STPG2: variants seen among roughly 807,000 people sequenced by gnomAD.
STPG2 encodes the protein sperm tail PG-rich repeat containing 2, also known as sperm-tail PG-rich repeat-containing protein 2.
A neutral mutation model predicts 54.2 loss-of-function variants in STPG2; 56 were observed. The ratio of observed to expected loss-of-function variants is 1.03; its 90% CI spans 0.83 to 1.29. The LOEUF (loss-of-function observed/expected upper bound fraction) is 1.29, where lower values mean the gene tolerates loss of function less well. STPG2 is among the 50% of genes most tolerant of loss of function. STPG2 has a pLI of 0.00. For synonymous variants in STPG2, 200 were observed against 181.8 expected (o/e 1.10, Z -0.81); for missense variants, 596 against 544.9 (o/e 1.09, Z -0.93).
intron 10 of STPG2, among the ~76,000 whole-genome samples, chr4:97,559,399 T>A (rs1463164878): frequency 6.6e-6 from 1 of 152,186 alleles, no homozygotes; most frequent in Non-Finnish European, 1.5e-5. Context: ...CTTGTAATAG[T>A]CTGTTGTCTA....
At chr4:97,902,916 C>T (rs1731233220) in intron 8 of STPG2, among the ~76,000 whole-genome samples, 1 of 151,884 alleles carries the variant, frequency 6.6e-6, no homozygotes, top group African/African-American at 2.4e-5. Context: ...AATGGATGAA[C>T]AGATAGAGAA....
At chr4:98,135,904 A>G (rs1320367324) in intron 1 of STPG2, among the ~76,000 whole-genome samples, 2 of 151,786 alleles carry the variant, frequency 1.3e-5, no homozygotes, top group Non-Finnish European at 3.0e-5. Context: ...ATATATAAAT[A>G]CACACACATA....
intron 7 of STPG2, among the ~76,000 whole-genome samples, chr4:97,964,218 A>G (rs928635766): frequency 5.9e-5 from 9 of 152,168 alleles, no homozygotes; most frequent in Non-Finnish European, 1.2e-4. Flanking sequence ...TCCTTGCCCT[A>G]AAGTCTTACT....
chr4:98,046,050 C>CTTTTTTTTTT, intron 5 of STPG2, among the ~76,000 whole-genome samples: 1 of 136,502 alleles, frequency 7.3e-6, no homozygotes, highest in African/African-American at 2.7e-5. Context: ...TTTTTTCATT[C>CTTTTTTTTTT]TTTTTTTTTT....
intron 5 of STPG2, among the ~76,000 whole-genome samples, chr4:98,041,428 T>G (rs1736953249): frequency 6.6e-6 from 1 of 151,854 alleles, no homozygotes; most frequent in Non-Finnish European, 1.5e-5. Flanking sequence ...AAGAGGATAT[T>G]TTAACCTTTC....
rs568009676 is a variant in STPG2, at chr4:97,969,918, G to A, written c.933+2362C>T. Among the ~76,000 whole-genome samples the A allele has an allele frequency of 4.2e-4, 64 of 152,208 alleles. 1 individual carries two copies. The highest frequency in any genetic ancestry group is 1.4e-3 in the African/African-American group (59 of 41,532). On this transcript the variant is annotated intron_variant, in intron 7 of 10. Coordinates refer to ENST00000295268, the MANE Select transcript of STPG2 (RefSeq NM_174952.3). The stretch of plus-strand genomic sequence containing the variant: ...GCTTGTATATTTAGAAAACTCCATC[G>A]TCTCAGCCCAAAATCTTAAGCTGAT...
chr4:97,933,896 T>G (rs1207656163), intron 8 of STPG2, among the ~76,000 whole-genome samples: 1 of 152,238 alleles, frequency 6.6e-6, no homozygotes, highest in Non-Finnish European at 1.5e-5. Flanking sequence ...TCTAATTCTG[T>G]GAAGAATGTC....
intron 9 of STPG2, among the ~76,000 whole-genome samples, chr4:97,714,609 T>A (rs1204620350): frequency 6.6e-6 from 1 of 152,138 alleles, no homozygotes; most frequent in African/African-American, 2.4e-5. Context: ...ATGCACAACT[T>A]TGGAATAATA....
At chr4:97,655,322 A>T (rs889170528) in intron 10 of STPG2, among the ~76,000 whole-genome samples, 2 of 152,084 alleles carry the variant, frequency 1.3e-5, no homozygotes, top group Non-Finnish European at 2.9e-5. Flanking sequence ...TTTCTATATT[A>T]GAGGTGCAGA....
At chr4:98,013,580 C>CTTTTTTTTTTTTTT (rs34198207) in intron 5 of STPG2, among the ~76,000 whole-genome samples, 1 of 74,586 alleles carries the variant, frequency 1.3e-5, no homozygotes, top group African/African-American at 5.2e-5. Flanking sequence ...TGGTCCTGGG[C>CTTTTTTTTTTTTTT]TTTTTTTTTT....
chr4:97,919,415 AT>A (rs1194242989), intron 8 of STPG2, among the ~76,000 whole-genome samples: 1 of 151,130 alleles, frequency 6.6e-6, no homozygotes, highest in Non-Finnish European at 1.5e-5. Context: ...ATAAATATTG[AT>A]AAACTCCTAG....
intron 4 of STPG2, among the ~76,000 whole-genome samples, chr4:97,522,248 T>C (rs1731198687): frequency 6.6e-6 from 1 of 152,040 alleles, no homozygotes; most frequent in Non-Finnish European, 1.5e-5. Context: ...GGAAAGAATG[T>C]CAGCATTAAA....
At chr4:97,804,425 A>G (rs1727490352) in intron 9 of STPG2, among the ~76,000 whole-genome samples, 2 of 152,182 alleles carry the variant, frequency 1.3e-5, no homozygotes, top group Admixed American at 1.3e-4. Context: ...TTTAACAACA[A>G]CAACAACAAA....
chr4:97,551,869 C>T (rs569568736), intron 4 of STPG2, among the ~76,000 whole-genome samples: 1 of 152,220 alleles, frequency 6.6e-6, no homozygotes, highest in Non-Finnish European at 1.5e-5. Context: ...TGTCTCACAT[C>T]CTAGTTATGT....
intron 9 of STPG2, among the ~76,000 whole-genome samples, chr4:97,835,222 C>T (rs1728595587): frequency 6.6e-6 from 1 of 152,058 alleles, no homozygotes; most frequent in South Asian, 2.1e-4. Context: ...CTTTGGTCAT[C>T]CTCACTGATA....
chr4:98,044,413 C>T (rs1737063373), intron 5 of STPG2, among the ~76,000 whole-genome samples: 1 of 152,138 alleles, frequency 6.6e-6, no homozygotes, highest in Non-Finnish European at 1.5e-5. Context: ...CTTTGCCCTC[C>T]CTTCACACCT....
chr4:98,104,053 C>G (rs1739122050), intron 5 of STPG2, among the ~76,000 whole-genome samples: 1 of 152,180 alleles, frequency 6.6e-6, no homozygotes, highest in Admixed American at 6.5e-5. Context: ...ACCACCTCTG[C>G]TAGTGACACA....
At chr4:98,089,453 C>T (rs1337100778) in intron 5 of STPG2, among the ~76,000 whole-genome samples, 1 of 151,506 alleles carries the variant, frequency 6.6e-6, no homozygotes, top group African/African-American at 2.4e-5. Context: ...TCTCGTTGGT[C>T]GATGGGCACT....
chr4:97,798,406 G>A (rs564370645), intron 9 of STPG2, among the ~76,000 whole-genome samples: 2 of 152,254 alleles, frequency 1.3e-5, no homozygotes, highest in South Asian at 4.1e-4. Context: ...TGGTTTCAAA[G>A]AACATCTTGA....
Sources: allele counts gnomAD v4.1 joint callset (sites outside exome capture counted in the v4.1 genomes callset), GRCh38; gene constraint gnomAD v4.1.1; transcripts MANE v1.5; gene names NCBI Gene and HGNC (gene_info 2026-07-23, HGNC 2026-07-21).